The following RYR2 variants were observed in gnomAD, a reference collection of about 807,000 sequenced individuals.
RYR2 encodes the protein ryanodine receptor 2, also known as cardiac muscle ryanodine receptor-calcium release channel.
A neutral mutation model predicts 601.1 loss-of-function variants in RYR2; 227 were observed. That is an observed-to-expected ratio of 0.38 (90% CI 0.34 to 0.42). RYR2 has a LOEUF of 0.42. RYR2 is among the 10% of genes least tolerant of loss of function. The pLI is 1.00. For synonymous variants in RYR2, 2,223 were observed against 2,175.1 expected (o/e 1.02, Z -0.61); for missense variants, 4,646 against 6,156.5 (o/e 0.75, Z 8.21).
chr1:237,368,676 A>G (rs1347588296), intron 5 of RYR2, among the ~76,000 whole-genome samples: 1 of 152,136 alleles, frequency 6.6e-6, no homozygotes, highest in Non-Finnish European at 1.5e-5. Context: ...GCACTCTTCT[A>G]TTTCATGGAA....
rs774554572 is a variant in RYR2 at position 237,828,382 on chromosome 1, T to C, written c.14592T>C (p.Gly4864=). 2 of 1,552,708 alleles carry C rather than the reference T, an allele frequency of 1.3e-6. No individual in the cohort carries two copies. Among genetic ancestry groups the C allele is most frequent in the Non-Finnish European group, 8.7e-7 (1 of 1,143,784 alleles). Residue 4864 remains glycine, a splice_region_variant and synonymous_variant, in exon 102 of 105, where the codon GGT becomes GGC. Coordinates refer to ENST00000366574, the MANE Select transcript of RYR2 (RefSeq NM_001035.3). ...VIVILLAIIQ[G]LIIDAFGELR... ...AATTGTGTTTTTATTTAACACCAGG[T>C]CTAATTATTGATGCTTTTGGAGAAC...
intron 1 of RYR2, among the ~76,000 whole-genome samples, chr1:237,222,880 A>T (rs1683971092): frequency 6.6e-6 from 1 of 152,180 alleles, no homozygotes; most frequent in African/African-American, 2.4e-5. Context: ...AGCCTGACCA[A>T]CATAGAGAAA....
chr1:237,130,242 TAAAACTGGGGG>T (rs1672015345), intron 1 of RYR2, among the ~76,000 whole-genome samples: 1 of 152,190 alleles, frequency 6.6e-6, no homozygotes, highest in South Asian at 2.1e-4. Context: ...TATACCTTTA[TAAAACTGGGGG>T]AAGAGTAAAA....
intron 2 of RYR2, among the ~76,000 whole-genome samples, chr1:237,301,798 A>G (rs1291812889): frequency 1.3e-5 from 2 of 152,154 alleles, no homozygotes; most frequent in Non-Finnish European, 2.9e-5. Context: ...ATCATTGACC[A>G]GAGTGTTTTC....
chr1:237,754,952 C>A, intron 80 of RYR2: 1 of 461,332 alleles, frequency 2.2e-6, no homozygotes, highest in Non-Finnish European at 3.4e-6. Flanking sequence ...TTTTTCTTTT[C>A]TCTGCTTCCA....
rs78367484 is a variant in RYR2, at chr1:237,792,873, T to A, written c.13782+550T>A. ...GTGTCAATCCTGGGAGTCATTTTAT[T>A]GTTTTATTATGAGGGAAGTATCTAC... On this transcript the variant is annotated intron_variant, in intron 94 of 104. Transcript: ENST00000366574. Among the ~76,000 whole-genome samples the A allele has an allele frequency of 5.3e-4, 81 of 152,312 alleles. 1 individual carries two copies. In the East Asian group the frequency reaches 0.014, roughly 27 times the overall value.
intron 29 of RYR2, among the ~76,000 whole-genome samples, chr1:237,573,247 CACACACACACGCAT>C (rs1672883745): frequency 6.6e-6 from 1 of 151,682 alleles, no homozygotes; most frequent in Non-Finnish European, 1.5e-5. Flanking sequence ...CACACACACA[CACACACACACGCAT>C]ACATATGTAT....
At chr1:237,726,379 T>G (rs1269405532) in intron 75 of RYR2, 71 bp downstream of exon 75, 1 of 912,826 alleles carries the variant, frequency 1.1e-6, no homozygotes, top group Non-Finnish European at 1.7e-6. Context: ...TTTTTCTTTC[T>G]AATACAATTA....
intron 40 of RYR2, 101 bp from the exon 41 acceptor site, chr1:237,627,706 T>C: frequency 8.0e-7 from 1 of 1,248,816 alleles, no homozygotes; most frequent in Non-Finnish European, 1.1e-6. Flanking sequence ...CTGGTACAAA[T>C]AGAAATACCA....
At chr1:237,512,603 T>C (rs1343284752) in intron 24 of RYR2, among the ~76,000 whole-genome samples, 1 of 152,214 alleles carries the variant, frequency 6.6e-6, no homozygotes, top group East Asian at 1.9e-4. Flanking sequence ...CTGGGCATAG[T>C]GACTCGTGCT....
intron 34 of RYR2, among the ~76,000 whole-genome samples, chr1:237,600,796 AT>A (rs1676419214): frequency 6.6e-6 from 1 of 152,214 alleles, no homozygotes; most frequent in Non-Finnish European, 1.5e-5. Flanking sequence ...CTTAATAAAC[AT>A]TTCTCAAAAG....
At chr1:237,550,421 C>A in intron 26 of RYR2, 123 bp from the exon 27 acceptor site, 1 of 1,053,452 alleles carries the variant, frequency 9.5e-7, no homozygotes, top group Non-Finnish European at 1.4e-6. Flanking sequence ...CCTGGGAAGA[C>A]GCATGGATTG....
At chr1:237,229,805 G>C (rs554231421) in intron 1 of RYR2, among the ~76,000 whole-genome samples, 1 of 152,228 alleles carries the variant, frequency 6.6e-6, no homozygotes, top group Non-Finnish European at 1.5e-5. Context: ...TGCCCTTACT[G>C]TAAGCTCAAG....
chr1:237,666,787 A>G (rs1335024185), intron 57 of RYR2, among the ~76,000 whole-genome samples, 198 bp downstream of exon 57: 2 of 152,078 alleles, frequency 1.3e-5, no homozygotes, highest in African/African-American at 4.8e-5. Flanking sequence ...GCACGTGCCT[A>G]TAGTCCCAGC....
At chr1:237,407,494 C>T (rs1253653900) in intron 10 of RYR2, among the ~76,000 whole-genome samples, 1 of 152,076 alleles carries the variant, frequency 6.6e-6, no homozygotes. Context: ...AATAGTGATA[C>T]CTCAAGTTGC....
rs180818077 is a variant in RYR2 at position 237,280,246 on chromosome 1, G to C, written c.168+9630G>C. Reference sequence around the variant, plus strand: ...AAATGTCGGTATAAGATAAATGCTAGATGATGTAAGAAAGATTCACTTCAT... The same window carrying C: ...AAATGTCGGTATAAGATAAATGCTACATGATGTAAGAAAGATTCACTTCAT... On this transcript the variant is annotated intron_variant, in intron 2 of 104. Transcript: ENST00000366574. Among the ~76,000 whole-genome samples the C allele has an allele frequency of 7.2e-5, 11 of 152,286 alleles. No individual in the cohort carries two copies. In the East Asian group the frequency reaches 2.1e-3, roughly 29 times the overall value.
intron 1 of RYR2, among the ~76,000 whole-genome samples, chr1:237,252,962 C>T (rs977938758): frequency 2.6e-5 from 4 of 151,866 alleles, no homozygotes; most frequent in East Asian, 1.9e-4. Flanking sequence ...GTCAGGAGTT[C>T]GAGACCAGCC....
At chr1:237,383,578 T>C (rs143869867) in intron 8 of RYR2, among the ~76,000 whole-genome samples, 59 of 151,848 alleles carry the variant, frequency 3.9e-4, no homozygotes, top group East Asian at 1.4e-3. Flanking sequence ...TGTAGGTGCC[T>C]GCCACCACAC....
intron 1 of RYR2, among the ~76,000 whole-genome samples, chr1:237,116,750 G>C (rs1410603987): frequency 1.3e-5 from 2 of 152,060 alleles, no homozygotes; most frequent in African/African-American, 4.8e-5. Context: ...CCAGGGGCTA[G>C]AGAAGATGAA....
Sources: allele counts gnomAD v4.1 joint callset (sites outside exome capture counted in the v4.1 genomes callset), GRCh38; gene constraint gnomAD v4.1.1; transcripts MANE v1.5; gene names NCBI Gene and HGNC (gene_info 2026-07-23, HGNC 2026-07-21).